The following CRAMP1 variants were observed in gnomAD, a reference collection of about 807,000 sequenced individuals.
CRAMP1 encodes the protein cramped chromatin regulator 1, also known as protein cramped-like.
In CRAMP1, 50 loss-of-function variants were observed where a neutral mutation model predicts 115.4. That is an observed-to-expected ratio of 0.43 (90% CI 0.35 to 0.55). CRAMP1 has a LOEUF of 0.55. CRAMP1 is among the 20% of genes least tolerant of loss of function. The pLI is 0.01. For synonymous variants in CRAMP1, 866 were observed against 745.4 expected (o/e 1.16, Z -2.64); for missense variants, 1,679 against 1,721.7 (o/e 0.98, Z 0.44).
rs913265135 is a variant in CRAMP1, at chr16:1,612,495, C to T, written c.-164C>T. 1.3e-5 allele frequency: 2 copies of T among 151,588 alleles called. No individual in the cohort carries two copies. Among genetic ancestry groups the T allele is most frequent in the African/African-American group, 4.8e-5 (2 of 41,372 alleles). 9.4% of individuals were successfully genotyped at this position (151,588 alleles called of 1,614,324 possible). On this transcript the variant is annotated 5_prime_UTR_variant, in exon 1 of 21. Coordinates refer to ENST00000397412, the MANE Select transcript of CRAMP1 (RefSeq NM_020825.4). ...GGCCCGCGGAGGGGACGTGCCGGGG[C>T]TAGCGCCGCTCGACCAGTCGCTTCC...
intron 6 of CRAMP1, chr16:1,647,121 G>A (rs1272843582): frequency 3.7e-5 from 26 of 700,174 alleles, no homozygotes; most frequent in Middle Eastern, 2.3e-4. Context: ...GCCCAAAAGC[G>A]ATTGGGGTAT....
intron 6 of CRAMP1, among the ~76,000 whole-genome samples, chr16:1,643,386 C>A (rs1392141823): frequency 2.0e-5 from 3 of 152,066 alleles, no homozygotes; most frequent in Admixed American, 6.5e-5. Context: ...GCTAAAAATA[C>A]AAAAATTAGC....
At chr16:1,641,273 T>G in intron 6 of CRAMP1, 86 bp downstream of exon 6, 1 of 985,894 alleles carries the variant, frequency 1.0e-6, no homozygotes, top group Non-Finnish European at 1.6e-6. Flanking sequence ...ATGCTCTCAG[T>G]GAGGACCTTC....
intron 2 of CRAMP1, among the ~76,000 whole-genome samples, chr16:1,620,478 C>T (rs1351186669): frequency 6.6e-6 from 1 of 152,286 alleles, no homozygotes; most frequent in East Asian, 1.9e-4. Context: ...CAGACGCTGA[C>T]TCCCTCGCAG....
At chr16:1,642,730 G>C (rs960697025) in intron 6 of CRAMP1, among the ~76,000 whole-genome samples, 20 of 152,208 alleles carry the variant, frequency 1.3e-4, no homozygotes, top group African/African-American at 4.6e-4. Flanking sequence ...GTCCCATGAG[G>C]GAAAACACTG....
rs192527833 is a variant in CRAMP1, at chr16:1,623,334, T to G, written c.347-2639T>G. 3.7e-3 allele frequency among the ~76,000 whole-genome samples: 558 copies of G among 152,302 alleles called. 14 individuals carry two copies. The highest frequency in any genetic ancestry group is 4.9e-4 in the Non-Finnish European group (33 of 68,022). ...TACTGTTGTGCCTTCTTTTCACATC[T>G]CCTGTGTGCCTTTGCCTCCTCTCCA... is the stretch of plus-strand genomic sequence containing the variant. On this transcript the variant is annotated intron_variant, in intron 2 of 20. Transcript: ENST00000397412.
intron 13 of CRAMP1, among the ~76,000 whole-genome samples, chr16:1,663,103 G>A (rs901125319): frequency 6.6e-6 from 1 of 152,252 alleles, no homozygotes; most frequent in Non-Finnish European, 1.5e-5. Flanking sequence ...AGATTGGGAT[G>A]TATTTATGGA....
In CRAMP1 at chr16:1,676,195, T is replaced by C. The variant is rs1409011252; in HGVS notation, c.*2150T>C. ...TTTTGGAGGTCAGAGTCTGCTTTCGTAGGCTCTTTAGACAGCACCTACCAC... is the reference window on the plus strand; with the variant it reads ...TTTTGGAGGTCAGAGTCTGCTTTCGCAGGCTCTTTAGACAGCACCTACCAC... On this transcript the variant is annotated 3_prime_UTR_variant, in exon 21 of 21. Coordinates refer to ENST00000397412, the MANE Select transcript of CRAMP1 (RefSeq NM_020825.4). The C allele has an allele frequency of 1.3e-5, 2 of 152,254 alleles. No homozygotes were observed. Among genetic ancestry groups the C allele is most frequent in the Non-Finnish European group, 2.9e-5 (2 of 68,062 alleles). The allele number at this position is 152,254 out of a possible 1,614,324, so 9.4% of individuals were successfully genotyped here. A position where few individuals can be genotyped will look rare whatever the true frequency, so the allele number is the denominator to read the frequency against.
chr16:1,628,886 C>T (rs945107943), intron 3 of CRAMP1, among the ~76,000 whole-genome samples: 2 of 152,204 alleles, frequency 1.3e-5, no homozygotes, highest in African/African-American at 2.4e-5. Context: ...GCTCCTCAGG[C>T]GAGAGTGCTG....
Position 1,653,099 on chromosome 16 carries a change from C to T in CRAMP1, c.980C>T (p.Pro327Leu), listed in dbSNP as rs1346153748. The change falls in exon 8 of 21, where the codon CCG becomes CTG. Residue 327 changes from proline (P) to leucine (L), a missense_variant. By Grantham distance (98) the Pro-to-Leu change is moderately conservative (BLOSUM62 -3). This residue lies in a region of CRAMP1 where 191 missense variants were observed against 236.2 expected (regional missense o/e 0.81). Coordinates refer to ENST00000397412, the MANE Select transcript of CRAMP1 (RefSeq NM_020825.4). ...LPLKVPIELQ[P>L]RNNHAWARVQ... ...CTGAAAGTCCCTATAGAGCTACAGC[C>T]GCGGAACAACCACGCCTGGGCCCGT... 3 of 1,612,448 alleles carry T rather than the reference C, an allele frequency of 1.9e-6. No homozygotes were observed. The highest frequency in any genetic ancestry group is 2.2e-5 in the East Asian group (1 of 44,874).
rs193239091 is a variant in CRAMP1 at position 1,672,410 on chromosome 16, G to C, written c.3646-1471G>C. 6.6e-6 allele frequency among the ~76,000 whole-genome samples: 1 copy of C among 151,938 alleles called. No homozygotes were observed. Among genetic ancestry groups the C allele is most frequent in the East Asian group, 1.9e-4 (1 of 5,186 alleles). On this transcript the variant is annotated intron_variant, in intron 20 of 20. Coordinates refer to ENST00000397412, the MANE Select transcript of CRAMP1 (RefSeq NM_020825.4). The surrounding 1 kb of genome is among the most constrained non-coding windows in gnomAD (Gnocchi z 4.9). ...TCAGCAGGTCCTCGTCATCTGGAAG[G>C]ATGGGCTGAGGCATTTGTGGATGAA...
chr16:1,673,588 C>T (rs2036941005), intron 20 of CRAMP1, among the ~76,000 whole-genome samples: 1 of 152,262 alleles, frequency 6.6e-6, no homozygotes, highest in Admixed American at 6.5e-5. Flanking sequence ...AGTCTGTCTA[C>T]CTGTTGGGTG....
chr16:1,628,446 G>C (rs780471579), intron 3 of CRAMP1, among the ~76,000 whole-genome samples: 4 of 152,298 alleles, frequency 2.6e-5, no homozygotes, highest in Non-Finnish European at 4.4e-5. Flanking sequence ...TACAGACCGA[G>C]TTTCGCCACG....
At chr16:1,663,059 A>T (rs1345922772) in intron 13 of CRAMP1, among the ~76,000 whole-genome samples, 1 of 152,272 alleles carries the variant, frequency 6.6e-6, no homozygotes, top group Non-Finnish European at 1.5e-5. Flanking sequence ...TGCAAAAAAG[A>T]CAATTATAGG....
At chr16:1,645,350 C>G (rs1183278525) in intron 6 of CRAMP1, 4 of 256,172 alleles carry the variant, frequency 1.6e-5, no homozygotes, top group African/African-American at 4.7e-5. Flanking sequence ...CCACGCCCGG[C>G]TAATTTTTTA....
chr16:1,619,862 CAG>C (rs2036451454), intron 2 of CRAMP1, among the ~76,000 whole-genome samples: 1 of 152,140 alleles, frequency 6.6e-6, no homozygotes, highest in African/African-American at 2.4e-5. Flanking sequence ...GAGGACATCT[CAG>C]AGTCTGGCGA....
chr16:1,651,063 G>C (rs1196173035), intron 6 of CRAMP1, among the ~76,000 whole-genome samples: 3 of 151,860 alleles, frequency 2.0e-5, no homozygotes, highest in African/African-American at 4.8e-5. Context: ...AGGTCACACA[G>C]AGGTCACGGA....
chr16:1,639,610 T>A (rs952380621), intron 5 of CRAMP1, among the ~76,000 whole-genome samples: 1 of 152,084 alleles, frequency 6.6e-6, no homozygotes, highest in African/African-American at 2.4e-5. Context: ...TGGGGAAGAC[T>A]TTTTAGACTT....
chr16:1,664,592 A>G (rs1162712290), intron 13 of CRAMP1, among the ~76,000 whole-genome samples: 2 of 152,148 alleles, frequency 1.3e-5, no homozygotes, highest in African/African-American at 4.8e-5. Context: ...CAGCCTGGCC[A>G]ACGTGGAGAA....
Sources: gnomAD v4.1 joint callset for allele counts (sites outside exome capture counted in the v4.1 genomes callset) on GRCh38, gnomAD v4.1.1 for gene constraint, gnomAD v4.1.1 regional missense constraint, Gnocchi (gnomAD v3.1) non-coding constraint, MANE v1.5 for transcripts, NCBI Gene and HGNC (gene_info 2026-07-23, HGNC 2026-07-21) for gene names.